Variants in GAS2L3 observed in about 807,000 individuals in gnomAD.
GAS2L3 encodes GAS2-like protein 3.
A neutral mutation model predicts 37.0 loss-of-function variants in GAS2L3; 28 were observed. The observed-to-expected ratio is 0.76, with a 90% confidence interval of 0.56 to 1.04. The LOEUF is 1.04. Among genes scored for constraint, GAS2L3 ranks in the 50% least tolerant of loss-of-function variants. The probability of loss-of-function intolerance (pLI) is 0.00; values close to 1 mark genes in which losing one functional copy is unlikely to be tolerated. For missense variants in GAS2L3, 793 were observed against 817.6 expected (o/e 0.97, Z 0.37); for synonymous variants, 290 against 296.6 (o/e 0.98, Z 0.23).
At chr12:100,605,856 A>G (rs1199901537) in intron 5 of GAS2L3, among the ~76,000 whole-genome samples, 2 of 150,822 alleles carry the variant, frequency 1.3e-5, no homozygotes, top group Non-Finnish European at 3.0e-5. Flanking sequence ...GTCAGAGGAG[A>G]TGCTTTATGT....
At chr12:100,598,329 A>G (rs1219353278) in intron 3 of GAS2L3, among the ~76,000 whole-genome samples, 2 of 152,086 alleles carry the variant, frequency 1.3e-5, no homozygotes, top group Non-Finnish European at 2.9e-5. Flanking sequence ...TTACCTTGAT[A>G]CTTTTGAATA....
At chr12:100,594,238 A>G (rs1187201412) in intron 2 of GAS2L3, among the ~76,000 whole-genome samples, 1 of 152,044 alleles carries the variant, frequency 6.6e-6, no homozygotes, top group Non-Finnish European at 1.5e-5. Context: ...AAAGAATTGC[A>G]TTTACCTAAT....
At chr12:100,580,676 T>C (rs571330029) in intron 1 of GAS2L3, among the ~76,000 whole-genome samples, 37 of 152,358 alleles carry the variant, frequency 2.4e-4, no homozygotes, top group African/African-American at 8.4e-4. Flanking sequence ...ATCTAAGTCA[T>C]GCCTTTAAAC....
intron 5 of GAS2L3, among the ~76,000 whole-genome samples, chr12:100,603,106 G>A (rs1220950672): frequency 6.6e-6 from 1 of 152,138 alleles, no homozygotes; most frequent in Non-Finnish European, 1.5e-5. Context: ...CAGGAAACAT[G>A]GGAGTGCAGA....
intron 9 of GAS2L3, 39 bp from the exon 10 acceptor site, chr12:100,623,523 A>G (rs769393943): frequency 2.1e-5 from 32 of 1,534,462 alleles, no homozygotes; most frequent in Non-Finnish European, 2.5e-5. Context: ...TAAACCTCAC[A>G]GTATTACAGC....
intron 1 of GAS2L3, among the ~76,000 whole-genome samples, chr12:100,581,128 C>T (rs1955706852): frequency 6.6e-6 from 1 of 152,198 alleles, no homozygotes; most frequent in Non-Finnish European, 1.5e-5. Context: ...GTTTTCTGAG[C>T]AGAATGTACG....
At chr12:100,596,259 C>T (rs1042634732) in intron 3 of GAS2L3, among the ~76,000 whole-genome samples, 1 of 152,046 alleles carries the variant, frequency 6.6e-6, no homozygotes, top group African/African-American at 2.4e-5. Flanking sequence ...CTATTCATCC[C>T]CTTTTTATCC....
At position 100,626,388 on chromosome 12, in the gene GAS2L3, T is replaced by C. The variant is rs1425939961; in HGVS notation, c.*1498T>C. 2 of 152,230 alleles carry C rather than the reference T, an allele frequency of 1.3e-5. No individual in the cohort carries two copies. The highest frequency in any genetic ancestry group is 2.9e-5 in the Non-Finnish European group (2 of 68,032). 9.4% of individuals were successfully genotyped at this position (152,230 alleles called of 1,614,324 possible). On this transcript the variant is annotated 3_prime_UTR_variant, in exon 10 of 10. Coordinates refer to ENST00000547754, the MANE Select transcript of GAS2L3 (RefSeq NM_174942.3). Reference sequence around the variant, plus strand: ...TCAAAGATGTGTGCAAGCTAGTTTTTGGAAGAAGTGATGCTTCTCTTCTTT... The same window carrying C: ...TCAAAGATGTGTGCAAGCTAGTTTTCGGAAGAAGTGATGCTTCTCTTCTTT...
rs771723176 is a variant in GAS2L3, at chr12:100,623,738, A to G, written c.933A>G (p.Thr311=). 70 of 1,613,868 alleles carry G rather than the reference A, an allele frequency of 4.3e-5. No homozygotes were observed. The highest frequency in any genetic ancestry group is 5.8e-5 in the Non-Finnish European group (69 of 1,179,930). The change falls in exon 10 of 10, where the codon ACA becomes ACG. Residue 311 remains threonine, a synonymous_variant. Transcript: ENST00000547754. ...GTGTACCTGATTCGCCTGCCAGAAC[A>G]CCTCAGCCTCCTGAAATGAATCCTT... ...NESVPDSPAR[T]PQPPEMNPLS... is the part of the protein sequence containing the mutation.
chr12:100,594,731 TATACTC>T (rs1336848911), intron 2 of GAS2L3, 138 bp from the exon 3 acceptor site: 2 of 362,954 alleles, frequency 5.5e-6, no homozygotes, highest in East Asian at 4.1e-5. Flanking sequence ...TGAATTTTCT[TATACTC>T]AGACTTTTCT....
Position 100,601,676 on chromosome 12 carries a change from G to T in GAS2L3, c.226G>T (p.Asp76Tyr). 1.3e-6 allele frequency: 2 copies of T among 1,598,364 alleles called. No homozygotes were observed. Among genetic ancestry groups the T allele is most frequent in the Non-Finnish European group, 1.7e-6 (2 of 1,167,868 alleles). ...GGCAGAAAAATTATTGGAAGAACTT[G>T]ATAATGGAGTACTATTATGTCAACT... Reference protein sequence around the residue: ...VKAEKLLEELDNGVLLCQLID... With the variant: ...VKAEKLLEELYNGVLLCQLID... Residue 76 changes from aspartate (D) to tyrosine (Y), a missense_variant, in exon 5 of 10, where the codon GAT becomes TAT. Asp to Tyr is a radical substitution (Grantham distance 160). Coordinates refer to ENST00000547754, the MANE Select transcript of GAS2L3 (RefSeq NM_174942.3).
rs189276984 is a variant in GAS2L3, at chr12:100,625,071, C to T, written c.*181C>T. 832 of 510,726 alleles carry T rather than the reference C, an allele frequency of 1.6e-3. 10 individuals carry two copies. The East Asian group carries it at 0.023, about 14-fold the overall frequency. 31.6% of individuals were successfully genotyped at this position (510,726 alleles called of 1,614,324 possible). Reference sequence around the variant, plus strand: ...ATATCTGAATTCACTGGAAAGAGCCCTTCTGAAGCAAACAGTTGTAAAATC... The same window carrying T: ...ATATCTGAATTCACTGGAAAGAGCCTTTCTGAAGCAAACAGTTGTAAAATC... On this transcript the variant is annotated 3_prime_UTR_variant, in exon 10 of 10. Coordinates refer to ENST00000547754, the MANE Select transcript of GAS2L3 (RefSeq NM_174942.3).
intron 2 of GAS2L3, chr12:100,592,450 G>A (rs1289256291): frequency 1.3e-5 from 2 of 152,108 alleles, no homozygotes; most frequent in African/African-American, 4.8e-5. Flanking sequence ...TTGAAAATGT[G>A]TAAGTTTCAG....
At chr12:100,619,514 T>G (rs1956228258) in intron 8 of GAS2L3, among the ~76,000 whole-genome samples, 1 of 152,100 alleles carries the variant, frequency 6.6e-6, no homozygotes, top group South Asian at 2.1e-4. Flanking sequence ...TTGTTTAATG[T>G]AATAAAAGTC....
Position 100,617,838 on chromosome 12 carries a change from A to G in GAS2L3, c.509+31A>G, listed in dbSNP as rs776801349. 9.1e-6 allele frequency: 12 copies of G among 1,316,988 alleles called. No individual in the cohort carries two copies. In the South Asian group the frequency reaches 9.8e-5, roughly 11 times the overall value. The allele number at this position is 1,316,988 out of a possible 1,614,324, so 81.6% of individuals were successfully genotyped here. A position where few individuals can be genotyped will look rare whatever the true frequency, so the allele number is the denominator to read the frequency against. On this transcript the variant is annotated intron_variant, in intron 7 of 9. Transcript: ENST00000547754. ...TATTCCACAATATTTCAGAATTTCAATGTTATAAACATTTTAAATCTACTG... is the reference window on the plus strand; with the variant it reads ...TATTCCACAATATTTCAGAATTTCAGTGTTATAAACATTTTAAATCTACTG...
intron 8 of GAS2L3, among the ~76,000 whole-genome samples, chr12:100,620,311 T>C (rs1351311233): frequency 6.6e-6 from 1 of 152,070 alleles, no homozygotes; most frequent in African/African-American, 2.4e-5. Context: ...TATGTACATA[T>C]AGACAAACTG....
intron 8 of GAS2L3, among the ~76,000 whole-genome samples, chr12:100,619,988 CTTTTAAA>C (rs1044812350): frequency 1.3e-5 from 2 of 151,922 alleles, no homozygotes; most frequent in African/African-American, 2.4e-5. Context: ...AAACCTGGTG[CTTTTAAA>C]TTCTAGCAAA....
At chr12:100,579,381 T>G (rs35708) in intron 1 of GAS2L3, 1 of 867,044 alleles carries the variant, frequency 1.2e-6, no homozygotes, top group East Asian at 2.4e-5. Flanking sequence ...GTAGATCCTA[T>G]TGACTTCACT....
At position 100,579,125 on chromosome 12, in the gene GAS2L3, CAT is replaced by C; in HGVS notation, c.-152+5342_-152+5343del. On this transcript the variant is annotated intron_variant, in intron 1 of 9. Transcript: ENST00000547754. ...GGAGAGAGTCACAATAATCCATTCACATAGTTCATTTTCTGCCATGGCCCATG... is the reference window on the plus strand; with the variant it reads ...GGAGAGAGTCACAATAATCCATTCACAGTTCATTTTCTGCCATGGCCCATG... 3 of 707,308 alleles carry C rather than the reference CAT, an allele frequency of 4.2e-6. No homozygotes were observed. In the Admixed American group the frequency reaches 5.7e-5, roughly 13 times the overall value. The allele number at this position is 707,308 out of a possible 1,614,324, so 43.8% of individuals were successfully genotyped here.
Sources: allele counts gnomAD v4.1 joint callset (sites outside exome capture counted in the v4.1 genomes callset), GRCh38; gene constraint gnomAD v4.1.1; transcripts MANE v1.5; gene names NCBI Gene and HGNC (gene_info 2026-07-23, HGNC 2026-07-21).